Variants in HAUS6 observed in about 807,000 individuals in gnomAD.
HAUS6 encodes the protein HAUS augmin-like complex subunit 6.
Under a neutral mutation model 106.8 loss-of-function variants are expected in HAUS6, and 80 were observed. The ratio of observed to expected loss-of-function variants is 0.75; its 90% CI spans 0.63 to 0.90. The LOEUF (loss-of-function observed/expected upper bound fraction) is 0.90. Ranked by LOEUF, HAUS6 falls within the 40% of genes least tolerant of loss-of-function variation. HAUS6 has a pLI of 0.00. For synonymous variants in HAUS6, 356 were observed against 379.1 expected, an observed-to-expected ratio of 0.94 and a Z score of 0.71; for missense variants, 1,155 against 1,118.1, an observed-to-expected ratio of 1.03 and a Z score of -0.47.
At chr9:19,078,023 C>T (rs1019945480) in intron 10 of HAUS6, among the ~76,000 whole-genome samples, 153 bp downstream of exon 10, 2 of 151,314 alleles carry the variant, frequency 1.3e-5, no homozygotes, top group South Asian at 2.1e-4. Flanking sequence ...ATCATGCCAC[C>T]GTACTCCAGC....
At chr9:19,085,570 T>C (rs1275044643) in intron 7 of HAUS6, among the ~76,000 whole-genome samples, 1 of 150,028 alleles carries the variant, frequency 6.7e-6, no homozygotes, top group East Asian at 2.0e-4. Flanking sequence ...CAGCTTGGCA[T>C]GGCAATCACA....
rs1193838254 is a variant in HAUS6, at chr9:19,082,882, T to G, written c.861A>C (p.Gln287His). The G allele has an allele frequency of 6.8e-7, 1 of 1,467,036 alleles. No individual in the cohort carries two copies. The highest frequency in any genetic ancestry group is 9.1e-7 in the Non-Finnish European group (1 of 1,103,728). The allele number at this position is 1,467,036 out of a possible 1,614,324, so 90.9% of individuals were successfully genotyped here. The change falls in exon 8 of 17, where the codon CAA becomes CAC. Residue 287 changes from glutamine to histidine, a missense_variant. Around this residue, in one of 3 missense-constraint regions of HAUS6, gnomAD observed 761 missense variants for 690.0 expected, o/e 1.10. Transcript: ENST00000380502. ...PRLLLDKIEKQMFQLHIGNVY... is the reference protein window; with the variant it reads ...PRLLLDKIEKHMFQLHIGNVY... Reference sequence around the variant, plus strand: ...AATATCAAATGCTTACCTGAAACATTTGTTTCTCAATTTTGTCAAGTAAGA... The same window carrying G: ...AATATCAAATGCTTACCTGAAACATGTGTTTCTCAATTTTGTCAAGTAAGA...
At chr9:19,100,193 C>A (rs1041151006) in intron 1 of HAUS6, among the ~76,000 whole-genome samples, 3 of 147,728 alleles carry the variant, frequency 2.0e-5, no homozygotes, top group Non-Finnish European at 4.5e-5. Context: ...GACTCCATCT[C>A]AAAAAAAAAA....
intron 2 of HAUS6, among the ~76,000 whole-genome samples, chr9:19,095,664 A>G (rs1273694170): frequency 1.3e-5 from 2 of 152,170 alleles, no homozygotes; most frequent in African/African-American, 4.8e-5. Flanking sequence ...TCAAAAATGA[A>G]AATAATGCCC....
intron 4 of HAUS6, among the ~76,000 whole-genome samples, chr9:19,090,433 C>G (rs372228220): frequency 6.6e-6 from 1 of 152,260 alleles, no homozygotes; most frequent in East Asian, 1.9e-4. Context: ...GGCGTGATCT[C>G]GGCTCACTGC....
At chr9:19,057,434 T>A (rs1042043871) in intron 16 of HAUS6, 1 of 152,842 alleles carries the variant, frequency 6.5e-6, no homozygotes, top group African/African-American at 2.4e-5. Context: ...AACATGGCCC[T>A]GTCAACACCT....
At position 19,068,495 on chromosome 9, in the gene HAUS6, C is replaced by T. The variant is rs112183654; in HGVS notation, c.1376+1724G>A. ...TCCTGACTGCCTGTGAACTAGATTA[C>T]TGCAGAACCAATTACCAATAACTCA... On this transcript the variant is annotated intron_variant, in intron 12 of 16. Coordinates refer to ENST00000380502, the MANE Select transcript of HAUS6 (RefSeq NM_017645.5). Among the ~76,000 whole-genome samples, 495 of 152,340 alleles carry T rather than the reference C, an allele frequency of 3.2e-3. 2 individuals carry two copies. The highest frequency in any genetic ancestry group is 0.011 in the African/African-American group (478 of 41,572).
chr9:19,094,531 C>T, intron 2 of HAUS6, 136 bp from the exon 3 acceptor site: 1 of 602,660 alleles, frequency 1.7e-6, no homozygotes, highest in South Asian at 2.1e-5. Flanking sequence ...GTGGCTCACA[C>T]TTTTAATCCC....
At position 19,058,416 on chromosome 9, in the gene HAUS6, A is replaced by G. The variant is rs760910824; in HGVS notation, c.2351T>C (p.Val784Ala). 1 of 1,612,764 alleles carries G rather than the reference A, an allele frequency of 6.2e-7. No homozygotes were observed. The highest frequency in any genetic ancestry group is 8.5e-7 in the Non-Finnish European group (1 of 1,179,044). The change falls in exon 16 of 17, where the codon GTT becomes GCT. Residue 784 changes from valine (V) to alanine (A), a missense_variant. By Grantham distance (64) the Val-to-Ala change is moderately conservative. Around this residue, in one of 3 missense-constraint regions of HAUS6, gnomAD observed 380 missense variants for 394.8 expected, o/e 0.96. Coordinates refer to ENST00000380502, the MANE Select transcript of HAUS6 (RefSeq NM_017645.5). ...GGAACTATTAAAACTTAGATGACCA[A>G]CTTCTTCCGGGAGAGTTTCGTGTAA... ...GILHETLPEE[V>A]GHLSFNSSSS...
At position 19,072,744 on chromosome 9, in the gene HAUS6, A is replaced by T. The variant is rs143608306; in HGVS notation, c.1295-2444T>A. 4.2e-3 allele frequency among the ~76,000 whole-genome samples: 634 copies of T among 152,316 alleles called. 4 individuals are homozygous for T. The highest frequency in any genetic ancestry group is 0.015 in the African/African-American group (609 of 41,578). On this transcript the variant is annotated intron_variant, in intron 11 of 16. Transcript: ENST00000380502. ...GTCCAAGAACTAAGCATATACTTTG[A>T]GATACACTTCTCAAAAGGAGAAGAA...
chr9:19,084,269 T>A (rs1348653867), intron 7 of HAUS6, among the ~76,000 whole-genome samples: 3 of 152,174 alleles, frequency 2.0e-5, no homozygotes, highest in African/African-American at 7.2e-5. Flanking sequence ...CACAAAAGAA[T>A]ATATTCTATA....
Position 19,082,695 on chromosome 9 carries a change from G to A in HAUS6, c.870+178C>T, listed in dbSNP as rs540511042. 2.0e-5 allele frequency among the ~76,000 whole-genome samples: 3 copies of A among 151,882 alleles called. No homozygotes were observed. The South Asian group carries it at 6.2e-4, about 32-fold the overall frequency. The stretch of plus-strand genomic sequence containing the variant: ...TGGGAGGCGGAGGTTGCAGTGAGCT[G>A]AAACCACGCCACGCCATTGCACTCC... On this transcript the variant is annotated intron_variant, in intron 8 of 16. Transcript: ENST00000380502.
chr9:19,091,304 A>C (rs1005030324), intron 4 of HAUS6, among the ~76,000 whole-genome samples: 2 of 150,848 alleles, frequency 1.3e-5, no homozygotes, highest in African/African-American at 4.8e-5. Context: ...CGTCTGCGAA[A>C]AAAAAAAAAA....
At chr9:19,090,525 C>A (rs867925104) in intron 4 of HAUS6, among the ~76,000 whole-genome samples, 1 of 152,116 alleles carries the variant, frequency 6.6e-6, no homozygotes, top group Non-Finnish European at 1.5e-5. Flanking sequence ...CCACCACGCC[C>A]GGCTAATTTT....
intron 12 of HAUS6, among the ~76,000 whole-genome samples, chr9:19,065,828 C>T (rs1180961348): frequency 2.0e-5 from 3 of 151,780 alleles, no homozygotes; most frequent in Non-Finnish European, 2.9e-5. Context: ...GCAACAGGAA[C>T]GAAACTCCGC....
intron 1 of HAUS6, among the ~76,000 whole-genome samples, chr9:19,100,931 G>C (rs1431422085): frequency 6.6e-6 from 1 of 152,138 alleles, no homozygotes; most frequent in Non-Finnish European, 1.5e-5. Context: ...CACAGTCTAG[G>C]AAAGGAAAAG....
intron 2 of HAUS6, among the ~76,000 whole-genome samples, chr9:19,096,286 C>T (rs1164430947): frequency 6.6e-6 from 1 of 152,088 alleles, no homozygotes; most frequent in East Asian, 1.9e-4. Flanking sequence ...TGGCTTATGC[C>T]GGGCGTGGTG....
chr9:19,090,859 T>C (rs1471755870), intron 4 of HAUS6, among the ~76,000 whole-genome samples: 1 of 152,214 alleles, frequency 6.6e-6, no homozygotes, highest in Non-Finnish European at 1.5e-5. Context: ...GAATAACTCA[T>C]GTAAATATTT....
At chr9:19,070,497 T>G (rs941267840) in intron 11 of HAUS6, among the ~76,000 whole-genome samples, 197 bp from the exon 12 acceptor site, 2 of 152,144 alleles carry the variant, frequency 1.3e-5, no homozygotes, top group African/African-American at 4.8e-5. Flanking sequence ...ACATCTAGCT[T>G]TTATAAAAGA....
Sources: gnomAD v4.1 joint callset for allele counts (sites outside exome capture counted in the v4.1 genomes callset) on GRCh38, gnomAD v4.1.1 for gene constraint, gnomAD v4.1.1 regional missense constraint, MANE v1.5 for transcripts, NCBI Gene and HGNC (gene_info 2026-07-23, HGNC 2026-07-21) for gene names.